DIS3L2: variants seen among roughly 807,000 people sequenced by gnomAD.
The protein encoded by DIS3L2 is DIS3 like 3'-5' exoribonuclease 2.
Under a neutral mutation model 97.5 loss-of-function variants are expected in DIS3L2, and 34 were observed. The observed-to-expected ratio is 0.35, with a 90% confidence interval of 0.27 to 0.46. The LOEUF is 0.46. Among genes scored for constraint, DIS3L2 ranks in the 20% least tolerant of loss-of-function variants. DIS3L2 has a pLI of 1.00. For missense variants in DIS3L2, 1,038 were observed against 1,146.0 expected, an observed-to-expected ratio of 0.91 and a Z score of 1.36; for synonymous variants, 435 against 445.2, an observed-to-expected ratio of 0.98 and a Z score of 0.29.
intron 6 of DIS3L2, among the ~76,000 whole-genome samples, chr2:232,113,475 A>G (rs1697600807): frequency 6.6e-6 from 1 of 152,208 alleles, no homozygotes; most frequent in Non-Finnish European, 1.5e-5. Context: ...ACAGTTGCAA[A>G]GTGGTTCCAC....
chr2:232,018,103 G>A (rs186810066), intron 3 of DIS3L2, among the ~76,000 whole-genome samples: 2 of 152,262 alleles, frequency 1.3e-5, no homozygotes, highest in East Asian at 3.9e-4. Context: ...TCAGTTGTTA[G>A]AACTTGAAAG....
At chr2:232,211,099 C>T (rs1195662867) in intron 10 of DIS3L2, among the ~76,000 whole-genome samples, 2 of 151,714 alleles carry the variant, frequency 1.3e-5, no homozygotes, top group African/African-American at 4.8e-5. Context: ...AAAAGTGAAC[C>T]CTTCCAATCC....
chr2:232,281,064 A>C lies in DIS3L2; in HGVS notation c.1659+17624A>C, dbSNP rs946273083. Among the ~76,000 whole-genome samples the C allele has an allele frequency of 6.6e-6, 1 of 152,162 alleles. No homozygotes were observed. The highest frequency in any genetic ancestry group is 2.4e-5 in the African/African-American group (1 of 41,420). ...GGTGGTGGGAAATGTTGGGGATGTA[A>C]CCAGGGCTGATCTGGAGGAACTTGT... On this transcript the variant is annotated intron_variant, in intron 13 of 20. Transcript: ENST00000325385. The surrounding 1 kb of genome is among the most constrained non-coding windows in gnomAD (Gnocchi z 4.1).
At chr2:232,034,515 G>C (rs1170118632) in intron 5 of DIS3L2, among the ~76,000 whole-genome samples, 1 of 152,030 alleles carries the variant, frequency 6.6e-6, no homozygotes, top group African/African-American at 2.4e-5. Flanking sequence ...GCTAACTTTT[G>C]AATTTGTTTA....
chr2:232,114,679 A>G (rs977535240), intron 6 of DIS3L2, among the ~76,000 whole-genome samples: 5 of 152,218 alleles, frequency 3.3e-5, no homozygotes, highest in South Asian at 2.1e-4. Context: ...TCATTGTCCT[A>G]TAATACCAGA....
At chr2:232,181,249 T>A (rs1329704868) in intron 9 of DIS3L2, among the ~76,000 whole-genome samples, 1 of 151,782 alleles carries the variant, frequency 6.6e-6, no homozygotes, top group East Asian at 1.9e-4. Context: ...TTAACATTTT[T>A]TCCTTCATTT....
chr2:232,003,195 C>T (rs1206380545), intron 1 of DIS3L2, among the ~76,000 whole-genome samples: 1 of 152,194 alleles, frequency 6.6e-6, no homozygotes, highest in African/African-American at 2.4e-5. Context: ...CTAGAGGTTA[C>T]CCTTTATGCT....
chr2:232,290,210 C>T (rs1694560607), intron 13 of DIS3L2, among the ~76,000 whole-genome samples: 3 of 152,268 alleles, frequency 2.0e-5, no homozygotes, highest in Non-Finnish European at 2.9e-5. Flanking sequence ...TGCACTCTCT[C>T]TCCAGCTGGC....
intron 9 of DIS3L2, among the ~76,000 whole-genome samples, chr2:232,208,902 C>T (rs1026116844): frequency 1.3e-5 from 2 of 151,828 alleles, no homozygotes; most frequent in African/African-American, 4.8e-5. Flanking sequence ...GTGGCATGCA[C>T]CTATACTGTC....
intron 6 of DIS3L2, among the ~76,000 whole-genome samples, chr2:232,099,753 A>T (rs896915441): frequency 6.6e-6 from 1 of 152,188 alleles, no homozygotes; most frequent in Non-Finnish European, 1.5e-5. Context: ...AATCCCTATT[A>T]TACTAATTGG....
chr2:232,264,106 TAAGGAACATGTAGCCTAGATCCCTTG>T (rs534198847), intron 13 of DIS3L2, among the ~76,000 whole-genome samples: 2 of 152,296 alleles, frequency 1.3e-5, no homozygotes, highest in South Asian at 4.1e-4. Context: ...TAGATTCTCA[TAAGGAACATGTAGCCTAGATCCCTTG>T]GATGCACAGT....
Position 232,013,633 on chromosome 2 carries a change from A to G in DIS3L2, c.-93-1202A>G, listed in dbSNP as rs569149657. On this transcript the variant is annotated intron_variant, in intron 1 of 20. Coordinates refer to ENST00000325385, the MANE Select transcript of DIS3L2 (RefSeq NM_152383.5). ...ACATTTATCCACATTTTAAAAAAAC[A>G]TAGTGCTTACCACTTATCCTTCATT... 5.3e-5 allele frequency among the ~76,000 whole-genome samples: 8 copies of G among 152,346 alleles called. No individual in the cohort carries two copies. In the South Asian group the frequency reaches 1.0e-3, roughly 20 times the overall value.
intron 4 of DIS3L2, among the ~76,000 whole-genome samples, chr2:232,029,631 A>G (rs535024131): frequency 1.8e-4 from 27 of 151,558 alleles, no homozygotes; most frequent in African/African-American, 5.3e-4. Flanking sequence ...AACAACCACA[A>G]TTTAGTCTCT....
chr2:232,142,521 C>A (rs1690089615), intron 8 of DIS3L2, among the ~76,000 whole-genome samples: 1 of 152,174 alleles, frequency 6.6e-6, no homozygotes, highest in Non-Finnish European at 1.5e-5. Flanking sequence ...CTCTTATACT[C>A]ATTAAATCCT....
intron 9 of DIS3L2, among the ~76,000 whole-genome samples, chr2:232,208,692 T>C (rs1692100156): frequency 6.6e-6 from 1 of 152,176 alleles, no homozygotes; most frequent in African/African-American, 2.4e-5. Flanking sequence ...ACTGTTCCAT[T>C]TTGGGGGTAT....
intron 5 of DIS3L2, among the ~76,000 whole-genome samples, chr2:232,043,467 C>T (rs1355919882): frequency 2.0e-5 from 3 of 152,178 alleles, no homozygotes; most frequent in Non-Finnish European, 4.4e-5. Context: ...ATGACTCTCA[C>T]GCTGGACTAA....
chr2:231,967,489 T>G (rs1375467705), intron 1 of DIS3L2, among the ~76,000 whole-genome samples: 1 of 152,228 alleles, frequency 6.6e-6, no homozygotes, highest in African/African-American at 2.4e-5. Flanking sequence ...TGTCTGCCAC[T>G]GTTAGCTTTA....
At chr2:232,283,393 A>T (rs2106303663) in intron 13 of DIS3L2, among the ~76,000 whole-genome samples, 1 of 152,180 alleles carries the variant, frequency 6.6e-6, no homozygotes, top group East Asian at 1.9e-4. Context: ...AGTAGCTGGG[A>T]TTATAGGCAC....
intron 9 of DIS3L2, among the ~76,000 whole-genome samples, chr2:232,204,480 C>A (rs1048151251): frequency 6.6e-6 from 1 of 152,104 alleles, no homozygotes; most frequent in Admixed American, 6.6e-5. Flanking sequence ...CAGTCACGTG[C>A]CTTCAGAAAT....
Sources: allele counts gnomAD v4.1 joint callset (sites outside exome capture counted in the v4.1 genomes callset), GRCh38; gene constraint gnomAD v4.1.1; non-coding constraint Gnocchi (gnomAD v3.1); transcripts MANE v1.5; gene names NCBI Gene and HGNC (gene_info 2026-07-23, HGNC 2026-07-21).